The following PARD3B variants were observed in gnomAD, a reference collection of about 807,000 sequenced individuals.
PARD3B encodes partitioning defective 3 homolog B.
PARD3B carries 103 observed loss-of-function variants against 130.2 expected under a neutral mutation model. The observed-to-expected ratio is 0.79, with a 90% CI of 0.67 to 0.93. The LOEUF (loss-of-function observed/expected upper bound fraction) is 0.93, where lower values mean the gene tolerates loss of function less well. Ranked by LOEUF, PARD3B falls within the 40% of genes least tolerant of loss-of-function variation. PARD3B has a pLI of 0.00. For missense variants in PARD3B, 1,609 were observed against 1,499.2 expected (o/e 1.07, Z -1.21); for synonymous variants, 583 against 553.2 (o/e 1.05, Z -0.76).
chr2:205,567,992 C>T (rs1006869167), intron 22 of PARD3B, among the ~76,000 whole-genome samples: 1 of 152,246 alleles, frequency 6.6e-6, no homozygotes, highest in East Asian at 1.9e-4. Flanking sequence ...AACTTTTGGT[C>T]CCATTTGTCA....
chr2:204,757,783 A>G (rs2040742122), intron 2 of PARD3B, among the ~76,000 whole-genome samples: 1 of 152,162 alleles, frequency 6.6e-6, no homozygotes. Flanking sequence ...GAAGTAGTCT[A>G]CAAATCCCTT....
At chr2:204,840,895 A>G (rs1171787565) in intron 2 of PARD3B, among the ~76,000 whole-genome samples, 2 of 152,182 alleles carry the variant, frequency 1.3e-5, no homozygotes, top group East Asian at 3.9e-4. Flanking sequence ...GCTTTATTGT[A>G]TGTAAGTATA....
In PARD3B at chr2:204,562,823, TA is replaced by T. The variant is rs149902433; in HGVS notation, c.120+16712del. Among the ~76,000 whole-genome samples the T allele has an allele frequency of 1.1e-3, 169 of 151,480 alleles. 1 individual carries two copies. Among genetic ancestry groups the T allele is most frequent in the African/African-American group, 3.6e-3 (149 of 41,064 alleles). Reference sequence around the variant, plus strand: ...AAAACTGCAGTTCAAATATTTCTAATAAAAAAAATTTTTTTTTTTCGTTGCT... The same window carrying T: ...AAAACTGCAGTTCAAATATTTCTAATAAAAAAATTTTTTTTTTTCGTTGCT... On this transcript the variant is annotated intron_variant, in intron 1 of 22. Transcript: ENST00000406610.
At chr2:204,826,325 A>G (rs897716974) in intron 2 of PARD3B, among the ~76,000 whole-genome samples, 1 of 152,168 alleles carries the variant, frequency 6.6e-6, no homozygotes, top group Non-Finnish European at 1.5e-5. Flanking sequence ...AGAGTGAACT[A>G]TTGACTCAGG....
rs1273279955 is a variant in PARD3B at position 204,937,005 on chromosome 2, ATAT to A, written c.223-28143_223-28141del. Among the ~76,000 whole-genome samples the A allele has an allele frequency of 3.3e-5, 5 of 152,372 alleles. No homozygotes were observed. The South Asian group carries it at 1.0e-3, about 32-fold the overall frequency. On this transcript the variant is annotated intron_variant, in intron 2 of 22. Transcript: ENST00000406610. ...TGAAAACAGTTAAAGGTATTGAGTA[ATAT>A]TATCCCCATTTGATAGACAAAGAAG...
intron 1 of PARD3B, among the ~76,000 whole-genome samples, chr2:204,625,856 C>T (rs1261793956): frequency 6.6e-6 from 1 of 152,104 alleles, no homozygotes; most frequent in Non-Finnish European, 1.5e-5. Flanking sequence ...TGTATCACAG[C>T]TGTATTACCA....
chr2:205,587,283 C>T (rs968621726), intron 22 of PARD3B, among the ~76,000 whole-genome samples: 6 of 152,160 alleles, frequency 3.9e-5, no homozygotes, highest in East Asian at 1.9e-4. Context: ...ATTATATTTG[C>T]GGTGTAGATT....
In PARD3B at chr2:204,687,169, A is replaced by G. The variant is rs536443551; in HGVS notation, c.222+887A>G. 4.0e-5 allele frequency among the ~76,000 whole-genome samples: 6 copies of G among 149,928 alleles called. No individual in the cohort carries two copies. In the South Asian group the frequency reaches 1.2e-3, roughly 31 times the overall value. On this transcript the variant is annotated intron_variant, in intron 2 of 22. Transcript: ENST00000406610. ...TTTACCTAACTGGACTGGAATATAA[A>G]TAAGTGATTTATTAAACTCAGGTGA...
intron 19 of PARD3B, among the ~76,000 whole-genome samples, chr2:205,409,945 TAA>T (rs1043741583): frequency 6.6e-6 from 1 of 152,176 alleles, no homozygotes; most frequent in Non-Finnish European, 1.5e-5. Flanking sequence ...GGTTGTAATA[TAA>T]ACGTATTAAA....
In PARD3B at chr2:205,125,495, C is replaced by T; in HGVS notation, c.1306-114C>T. On this transcript the variant is annotated intron_variant, in intron 9 of 22. Coordinates refer to ENST00000406610, the MANE Select transcript of PARD3B (RefSeq NM_001302769.2). This position sits in a 1 kb window ranked among gnomAD's most constrained non-coding sequence, Gnocchi z 4.0. ...CCCATGTATTTAGTTATCATCTTTT[C>T]AGAGCTTCCTCAAGTATGGGAGCCC... The T allele has an allele frequency of 8.2e-7, 1 of 1,215,896 alleles. No individual in the cohort carries two copies. Among genetic ancestry groups the T allele is most frequent in the South Asian group, 1.5e-5 (1 of 65,668 alleles). 75.3% of individuals were successfully genotyped at this position (1,215,896 alleles called of 1,614,324 possible).
intron 22 of PARD3B, among the ~76,000 whole-genome samples, chr2:205,559,295 C>T (rs963383122): frequency 6.6e-6 from 1 of 152,152 alleles, no homozygotes; most frequent in Non-Finnish European, 1.5e-5. Context: ...CAGGCACGCA[C>T]CACGATGCCC....
chr2:205,384,321 A>C (rs1227538511), intron 18 of PARD3B, among the ~76,000 whole-genome samples: 1 of 152,092 alleles, frequency 6.6e-6, no homozygotes, highest in African/African-American at 2.4e-5. Context: ...ATGAGTCCTC[A>C]GGTGACCATA....
intron 2 of PARD3B, among the ~76,000 whole-genome samples, chr2:204,830,824 T>G (rs750344506): frequency 1.4e-4 from 22 of 152,156 alleles, no homozygotes; most frequent in African/African-American, 4.6e-4. Context: ...AGAAGGGAAT[T>G]TAGCCCAAGG....
chr2:204,629,487 ACTG>A (rs1179898285), intron 1 of PARD3B, among the ~76,000 whole-genome samples: 1 of 152,180 alleles, frequency 6.6e-6, no homozygotes, highest in Non-Finnish European at 1.5e-5. Flanking sequence ...CACAATGATT[ACTG>A]CTTCCATTTC....
rs2033754678 is a variant in PARD3B, at chr2:204,607,225, T to C, written c.120+61106T>C. On this transcript the variant is annotated intron_variant, in intron 1 of 22. Coordinates refer to ENST00000406610, the MANE Select transcript of PARD3B (RefSeq NM_001302769.2). Reference sequence around the variant, plus strand: ...TAAGATGGTATCCCAAAGGAAATTATAGGGGCAGATTATCATATAGACGAA... The same window carrying C: ...TAAGATGGTATCCCAAAGGAAATTACAGGGGCAGATTATCATATAGACGAA... Among the ~76,000 whole-genome samples the C allele has an allele frequency of 2.0e-5, 3 of 152,288 alleles. No individual in the cohort carries two copies. The South Asian group carries it at 6.2e-4, about 32-fold the overall frequency.
chr2:205,132,721 C>T (rs555296905), intron 10 of PARD3B, among the ~76,000 whole-genome samples: 38 of 152,278 alleles, frequency 2.5e-4, no homozygotes, highest in Non-Finnish European at 5.0e-4. Flanking sequence ...GGATGTGAAT[C>T]CCTGCTTTGC....
At chr2:205,145,465 A>C (rs2033286742) in intron 10 of PARD3B, among the ~76,000 whole-genome samples, 1 of 152,268 alleles carries the variant, frequency 6.6e-6, no homozygotes, top group Non-Finnish European at 1.5e-5. Flanking sequence ...AGCATGAGGC[A>C]GTACTCCACT....
In PARD3B at chr2:205,500,312, G is replaced by T. The variant is rs562401115; in HGVS notation, c.3180+281G>T. On this transcript the variant is annotated intron_variant, in intron 21 of 22. Transcript: ENST00000406610. ...GCAGAAGTTAGCTACTTTAAAGAGGGCAAGGGATCTTTGTCACCATCCACT... is the reference window on the plus strand; with the variant it reads ...GCAGAAGTTAGCTACTTTAAAGAGGTCAAGGGATCTTTGTCACCATCCACT... Among the ~76,000 whole-genome samples, 66 of 152,202 alleles carry T rather than the reference G, an allele frequency of 4.3e-4. 1 individual carries two copies. Among genetic ancestry groups the T allele is most frequent in the Admixed American group, 4.0e-3 (61 of 15,288 alleles).
chr2:205,326,595 A>G (rs2042947540), intron 18 of PARD3B, among the ~76,000 whole-genome samples: 1 of 152,208 alleles, frequency 6.6e-6, no homozygotes, highest in African/African-American at 2.4e-5. Flanking sequence ...CAGAAAGGAT[A>G]TTATTTTACT....
Sources: allele counts gnomAD v4.1 joint callset (sites outside exome capture counted in the v4.1 genomes callset), GRCh38; gene constraint gnomAD v4.1.1; non-coding constraint Gnocchi (gnomAD v3.1); transcripts MANE v1.5; gene names NCBI Gene and HGNC (gene_info 2026-07-23, HGNC 2026-07-21).